The following SEPTIN10 variants were observed in gnomAD, a reference collection of about 807,000 sequenced individuals.
SEPTIN10 encodes septin 10.
A neutral mutation model predicts 54.8 loss-of-function variants in SEPTIN10; 66 were observed. That is an observed-to-expected ratio of 1.21 (90% CI 0.99 to 1.48). The LOEUF (loss-of-function observed/expected upper bound fraction) is 1.48. SEPTIN10 is among the 40% of genes most tolerant of loss of function. SEPTIN10 has a pLI of 0.00. For missense variants in SEPTIN10, 620 were observed against 545.6 expected (o/e 1.14, Z -1.36); for synonymous variants, 161 against 181.0 (o/e 0.89, Z 0.89).
chr2:109,575,187 A>C (rs527654343), intron 4 of SEPTIN10, among the ~76,000 whole-genome samples: 24 of 152,302 alleles, frequency 1.6e-4, no homozygotes, highest in Non-Finnish European at 2.8e-4. Flanking sequence ...TCCCTTTCTG[A>C]CAAAGCTTCC....
rs766138431 is a variant in SEPTIN10, at chr2:109,593,409, C to CTTTTTTTTTT, written c.31-300_31-291dup. On this transcript the variant is annotated intron_variant, in intron 1 of 10. Transcript: ENST00000397712. Reference sequence around the variant, plus strand: ...CATTTACAAGTAGAGAGAGAAAGAACTTTTTTTTTTTTTTGAGACGGCATC... The same window carrying CTTTTTTTTTT: ...CATTTACAAGTAGAGAGAGAAAGAACTTTTTTTTTTTTTTTTTTTTTTTTGAGACGGCATC... Among the ~76,000 whole-genome samples, 35 of 133,770 alleles carry CTTTTTTTTTT rather than the reference C, an allele frequency of 2.6e-4. 2 individuals are homozygous for CTTTTTTTTTT. The highest frequency in any genetic ancestry group is 6.6e-4 in the East Asian group (3 of 4,580). 87.8% of individuals were successfully genotyped at this position (133,770 alleles called of 152,430 possible).
chr2:109,562,911 C>CT (rs200795314), intron 8 of SEPTIN10, among the ~76,000 whole-genome samples: 8,896 of 145,662 alleles, frequency 0.061, 554 homozygotes, highest in East Asian at 0.24. Flanking sequence ...ACACACAATG[C>CT]TTTTTTTTTT....
intron 10 of SEPTIN10, chr2:109,545,385 C>A: frequency 6.5e-7 from 1 of 1,531,396 alleles, no homozygotes; most frequent in Non-Finnish European, 8.7e-7. Context: ...TAACACATAC[C>A]CCAAACCTAC....
chr2:109,590,192 CT>C (rs1330271842), intron 2 of SEPTIN10, among the ~76,000 whole-genome samples: 1 of 151,702 alleles, frequency 6.6e-6, no homozygotes, highest in Non-Finnish European at 1.5e-5. Flanking sequence ...CAGCAGTAGA[CT>C]TACAGGTTGG....
intron 1 of SEPTIN10, among the ~76,000 whole-genome samples, chr2:109,604,484 T>C (rs1357984333): frequency 6.7e-6 from 1 of 149,512 alleles, no homozygotes; most frequent in African/African-American, 2.5e-5. Flanking sequence ...CCTAGCACTT[T>C]GGGAGGCCGA....
intron 1 of SEPTIN10, among the ~76,000 whole-genome samples, chr2:109,602,120 C>T (rs1163695101): frequency 6.6e-6 from 1 of 152,158 alleles, no homozygotes; most frequent in Non-Finnish European, 1.5e-5. Flanking sequence ...ACAGTAACCC[C>T]TATCAATACT....
At chr2:109,562,021 G>A (rs987779415) in intron 8 of SEPTIN10, among the ~76,000 whole-genome samples, 7 of 151,770 alleles carry the variant, frequency 4.6e-5, no homozygotes, top group African/African-American at 1.7e-4. Context: ...GACCAGCCTG[G>A]CCAACATGGT....
intron 6 of SEPTIN10, 69 bp from the exon 7 acceptor site, chr2:109,565,928 G>A (rs1686903849): frequency 7.6e-7 from 1 of 1,307,294 alleles, no homozygotes; most frequent in African/African-American, 1.5e-5. Flanking sequence ...TAAATTTTAT[G>A]TGAGAGAGAA....
intron 1 of SEPTIN10, chr2:109,594,672 G>A (rs1694901188): frequency 6.6e-6 from 1 of 152,216 alleles, no homozygotes; most frequent in Admixed American, 6.5e-5. Context: ...GAGAACCTGG[G>A]TGCTCCCACC....
At chr2:109,557,637 A>G (rs1325601488) in intron 8 of SEPTIN10, among the ~76,000 whole-genome samples, 3 of 152,190 alleles carry the variant, frequency 2.0e-5, no homozygotes, top group African/African-American at 7.2e-5. Flanking sequence ...GACAATGTAA[A>G]CTTACAAGGC....
chr2:109,611,733 C>T (rs1451301011), intron 1 of SEPTIN10, among the ~76,000 whole-genome samples: 3 of 152,188 alleles, frequency 2.0e-5, no homozygotes, highest in Non-Finnish European at 4.4e-5. Flanking sequence ...CACCACTGCA[C>T]TCTAGCCTGG....
Position 109,597,490 on chromosome 2 carries a change from A to C in SEPTIN10, c.31-4371T>G, listed in dbSNP as rs566884726. On this transcript the variant is annotated intron_variant, in intron 1 of 10. Coordinates refer to ENST00000397712, the MANE Select transcript of SEPTIN10 (RefSeq NM_144710.5). ...TGGACCTTGTGACTCTGTCTCAGAG[A>C]AACATGAATGCACAATAGGTGACCA... Among the ~76,000 whole-genome samples the C allele has an allele frequency of 3.3e-5, 5 of 152,342 alleles. No individual in the cohort carries two copies. In the South Asian group the frequency reaches 1.0e-3, roughly 32 times the overall value.
intron 4 of SEPTIN10, among the ~76,000 whole-genome samples, chr2:109,579,712 C>A (rs1339848299): frequency 6.6e-6 from 1 of 151,886 alleles, no homozygotes; most frequent in Non-Finnish European, 1.5e-5. Flanking sequence ...TTAGTTCTAC[C>A]AAACATTCCA....
intron 1 of SEPTIN10, among the ~76,000 whole-genome samples, chr2:109,595,392 C>T (rs1449624901): frequency 1.3e-5 from 2 of 152,178 alleles, no homozygotes; most frequent in Admixed American, 6.5e-5. Flanking sequence ...CAGGCTTTAG[C>T]TTTTAACTAC....
At chr2:109,564,225 ATAAT>A (rs950973337) in intron 8 of SEPTIN10, 137 bp downstream of exon 8, 8 of 709,492 alleles carry the variant, frequency 1.1e-5, no homozygotes, top group Non-Finnish European at 1.6e-5. Context: ...AAGAAGCACA[ATAAT>A]TAGTCATTAC....
intron 8 of SEPTIN10, among the ~76,000 whole-genome samples, chr2:109,563,069 C>G (rs1686080527): frequency 1.3e-5 from 2 of 152,088 alleles, no homozygotes; most frequent in Non-Finnish European, 2.9e-5. Context: ...TGCCACCATA[C>G]CCAGCTAATT....
At chr2:109,560,052 C>T (rs1424467744) in intron 8 of SEPTIN10, among the ~76,000 whole-genome samples, 1 of 151,806 alleles carries the variant, frequency 6.6e-6, no homozygotes, top group African/African-American at 2.4e-5. Context: ...TCCCAAGTAG[C>T]CGGGACTACA....
chr2:109,582,487 T>C (rs903391941), intron 4 of SEPTIN10, among the ~76,000 whole-genome samples: 3 of 152,030 alleles, frequency 2.0e-5, no homozygotes, highest in Non-Finnish European at 4.4e-5. Flanking sequence ...GCCTGGTTAA[T>C]TTTTTAAAAT....
chr2:109,562,100 C>T (rs968682078), intron 8 of SEPTIN10, among the ~76,000 whole-genome samples: 2 of 152,016 alleles, frequency 1.3e-5, no homozygotes, highest in African/African-American at 4.8e-5. Flanking sequence ...ATAGTCCCAG[C>T]TACTCAGGAG....
Sources: gnomAD v4.1 joint callset for allele counts (sites outside exome capture counted in the v4.1 genomes callset) on GRCh38, gnomAD v4.1.1 for gene constraint, MANE v1.5 for transcripts, NCBI Gene and HGNC (gene_info 2026-07-23, HGNC 2026-07-21) for gene names.